CNTN4: variants seen among roughly 807,000 people sequenced by gnomAD.
The protein encoded by CNTN4 is contactin-4.
In CNTN4, 77 loss-of-function variants were observed where a neutral mutation model predicts 122.5. The ratio of observed to expected loss-of-function variants is 0.63; its 90% CI spans 0.52 to 0.76. The LOEUF (loss-of-function observed/expected upper bound fraction) is 0.76. CNTN4 is among the 30% of genes least tolerant of loss of function. The pLI is 0.00. For synonymous variants in CNTN4, 512 were observed against 447.0 expected, an observed-to-expected ratio of 1.15 and a Z score of -1.83; for missense variants, 1,256 against 1,259.1, an observed-to-expected ratio of 1.00 and a Z score of 0.04.
At chr3:2,207,076 T>G (rs2149417921) in intron 2 of CNTN4, among the ~76,000 whole-genome samples, 1 of 152,144 alleles carries the variant, frequency 6.6e-6, no homozygotes, top group East Asian at 1.9e-4. Flanking sequence ...CATGTTACTA[T>G]TGTAAATTTG....
At chr3:2,682,937 G>A (rs915308199) in intron 4 of CNTN4, among the ~76,000 whole-genome samples, 2 of 112,684 alleles carry the variant, frequency 1.8e-5, no homozygotes, top group African/African-American at 1.0e-4. Context: ...GCATCCAAAT[G>A]TGCATTTGAC....
At chr3:2,491,285 TGAA>T (rs1339340262) in intron 3 of CNTN4, among the ~76,000 whole-genome samples, 3 of 152,144 alleles carry the variant, frequency 2.0e-5, no homozygotes, top group Admixed American at 2.0e-4. Context: ...TTGTAAGAAT[TGAA>T]GAACTGAATT....
intron 3 of CNTN4, among the ~76,000 whole-genome samples, chr3:2,563,615 A>C (rs2149442857): frequency 6.6e-6 from 1 of 152,316 alleles, no homozygotes; most frequent in East Asian, 1.9e-4. Flanking sequence ...CAAATACATA[A>C]GCTTCATATG....
At chr3:2,645,207 G>A (rs922106594) in intron 4 of CNTN4, among the ~76,000 whole-genome samples, 8 of 151,836 alleles carry the variant, frequency 5.3e-5, no homozygotes, top group South Asian at 4.2e-4. Flanking sequence ...AATCTATTGT[G>A]CTCTGGGGAA....
intron 2 of CNTN4, among the ~76,000 whole-genome samples, chr3:2,151,099 ATTTTTAG>A (rs1255414815): frequency 6.6e-6 from 1 of 152,070 alleles, no homozygotes; most frequent in Non-Finnish European, 1.5e-5. Context: ...TAATTTTTGT[ATTTTTAG>A]TAGAGATGGG....
At chr3:2,254,524 C>A (rs184269227) in intron 2 of CNTN4, among the ~76,000 whole-genome samples, 1 of 152,030 alleles carries the variant, frequency 6.6e-6, no homozygotes, top group South Asian at 2.1e-4. Flanking sequence ...AAAAGCATTC[C>A]TATTTCTCCA....
chr3:2,464,606 C>T lies in CNTN4; in HGVS notation c.-88-106810C>T, dbSNP rs1381789724. Among the ~76,000 whole-genome samples the T allele has an allele frequency of 3.9e-5, 6 of 151,950 alleles. No individual in the cohort carries two copies. In the East Asian group the frequency reaches 5.8e-4, roughly 15 times the overall value. ...GGTGTGGATCACAATCGCCTGGGGA[C>T]GAATTAAAATGATACATTATTGGGA... On this transcript the variant is annotated intron_variant, in intron 3 of 24. Transcript: ENST00000418658.
chr3:2,869,695 T>C (rs1244991676), intron 8 of CNTN4, among the ~76,000 whole-genome samples: 2 of 152,230 alleles, frequency 1.3e-5, no homozygotes, highest in African/African-American at 4.8e-5. Context: ...CTTGCTCACA[T>C]TATGATCAAG....
chr3:2,996,260 G>A (rs1394095359), intron 14 of CNTN4, among the ~76,000 whole-genome samples: 2 of 152,110 alleles, frequency 1.3e-5, no homozygotes, highest in Non-Finnish European at 2.9e-5. Context: ...GAGGGAATAT[G>A]AGCACATATT....
intron 4 of CNTN4, among the ~76,000 whole-genome samples, chr3:2,574,089 G>A (rs2079550296): frequency 6.6e-6 from 1 of 152,126 alleles, no homozygotes; most frequent in Non-Finnish European, 1.5e-5. Flanking sequence ...GGTGGTGTAT[G>A]CCTGTAATCC....
chr3:2,483,986 C>A (rs1033738084), intron 3 of CNTN4, among the ~76,000 whole-genome samples: 2 of 151,990 alleles, frequency 1.3e-5, no homozygotes, highest in South Asian at 4.1e-4. Context: ...AATATTTTAT[C>A]TGCAAAAAGA....
At chr3:2,417,312 C>G (rs1417582294) in intron 3 of CNTN4, among the ~76,000 whole-genome samples, 1 of 152,202 alleles carries the variant, frequency 6.6e-6, no homozygotes, top group African/African-American at 2.4e-5. Context: ...TCCCTTCAGT[C>G]TTGTATTCTT....
At chr3:2,421,446 T>C (rs997900444) in intron 3 of CNTN4, among the ~76,000 whole-genome samples, 4 of 152,150 alleles carry the variant, frequency 2.6e-5, no homozygotes, top group African/African-American at 9.7e-5. Flanking sequence ...GAGACATGGT[T>C]TCACCATGTT....
At chr3:2,205,171 T>A (rs1389074275) in intron 2 of CNTN4, among the ~76,000 whole-genome samples, 1 of 151,480 alleles carries the variant, frequency 6.6e-6, no homozygotes, top group Non-Finnish European at 1.5e-5. Flanking sequence ...TTTAGCTTAC[T>A]CATCATACTT....
chr3:2,211,723 A>G (rs764114473), intron 2 of CNTN4, among the ~76,000 whole-genome samples: 4 of 152,224 alleles, frequency 2.6e-5, no homozygotes, highest in Non-Finnish European at 5.9e-5. Context: ...CTCAGTCTGT[A>G]GCATTCTTCC....
chr3:2,679,344 T>A (rs1329294033), intron 4 of CNTN4, among the ~76,000 whole-genome samples: 1 of 152,132 alleles, frequency 6.6e-6, no homozygotes, highest in Non-Finnish European at 1.5e-5. Context: ...TTGTGTCTGG[T>A]ATGTGGCAGC....
At chr3:2,278,359 C>G (rs1208818396) in intron 2 of CNTN4, among the ~76,000 whole-genome samples, 1 of 152,176 alleles carries the variant, frequency 6.6e-6, no homozygotes, top group Non-Finnish European at 1.5e-5. Flanking sequence ...CAGTGAACCT[C>G]AGCACATTAG....
chr3:2,638,893 C>T (rs2082780141), intron 4 of CNTN4, among the ~76,000 whole-genome samples: 1 of 152,184 alleles, frequency 6.6e-6, no homozygotes, highest in South Asian at 2.1e-4. Flanking sequence ...ATGTTCAGAA[C>T]CCAACTATTA....
chr3:2,169,467 C>T (rs374167553), intron 2 of CNTN4, among the ~76,000 whole-genome samples: 1,690 of 152,054 alleles, frequency 0.011, 22 homozygotes, highest in African/African-American at 0.028. Flanking sequence ...AGTGCGGTGG[C>T]GCGATCTCGG....
Sources: allele counts gnomAD v4.1 joint callset (sites outside exome capture counted in the v4.1 genomes callset), GRCh38; gene constraint gnomAD v4.1.1; transcripts MANE v1.5; gene names NCBI Gene and HGNC (gene_info 2026-07-23, HGNC 2026-07-21).